The following HECW2 variants were observed in gnomAD, a reference collection of about 807,000 sequenced individuals.
The protein encoded by HECW2 is HECT, C2 and WW domain containing E3 ubiquitin protein ligase 2, also known as E3 ubiquitin-protein ligase HECW2.
In HECW2, 61 loss-of-function variants were observed where a neutral mutation model predicts 175.2. That is an observed-to-expected ratio of 0.35 (90% CI 0.28 to 0.43). The LOEUF is 0.43. Ranked by LOEUF, HECW2 falls within the 20% of genes least tolerant of loss-of-function variation. HECW2 has a pLI of 1.00. For synonymous variants in HECW2, 671 were observed against 731.0 expected (o/e 0.92, Z 1.32); for missense variants, 1,524 against 2,000.5 (o/e 0.76, Z 4.54).
At chr2:196,298,738 A>G (rs954800893) in intron 13 of HECW2, among the ~76,000 whole-genome samples, 18 of 152,236 alleles carry the variant, frequency 1.2e-4, no homozygotes, top group African/African-American at 3.6e-4. Flanking sequence ...CCTATTTTTC[A>G]TGACTTTCTT....
chr2:196,242,595 A>G (rs982231095), intron 19 of HECW2: 2 of 191,808 alleles, frequency 1.0e-5, no homozygotes, highest in Non-Finnish European at 1.1e-5. Context: ...GTTGCAATGG[A>G]AAGTACATGG....
chr2:196,469,834 C>G (rs981779336), intron 1 of HECW2, among the ~76,000 whole-genome samples: 2 of 151,542 alleles, frequency 1.3e-5, no homozygotes, highest in East Asian at 3.9e-4. Flanking sequence ...ACCTCTGGGG[C>G]GGGGGACTAA....
chr2:196,348,726 G>A (rs1693056659), intron 2 of HECW2, among the ~76,000 whole-genome samples: 1 of 152,160 alleles, frequency 6.6e-6, no homozygotes, highest in African/African-American at 2.4e-5. Flanking sequence ...TAATATAGAA[G>A]TAATTATAAC....
At chr2:196,231,288 G>T (rs968033502) in intron 21 of HECW2, among the ~76,000 whole-genome samples, 6 of 152,168 alleles carry the variant, frequency 3.9e-5, no homozygotes, top group African/African-American at 1.4e-4. Context: ...TCACTGACTT[G>T]TATCACATGA....
At chr2:196,286,676 GCTAT>G (rs1402415661) in intron 14 of HECW2, among the ~76,000 whole-genome samples, 36 of 152,160 alleles carry the variant, frequency 2.4e-4, no homozygotes, top group Middle Eastern at 6.8e-3. Context: ...AAAACCATGT[GCTAT>G]CTATCATTTT....
chr2:196,552,689 C>T lies in HECW2; in HGVS notation c.-36+40819G>A, dbSNP rs188792138. Among the ~76,000 whole-genome samples the T allele has an allele frequency of 1.1e-4, 17 of 152,308 alleles. No homozygotes were observed. In the East Asian group the frequency reaches 3.1e-3, roughly 28 times the overall value. ...TGGTTCCTTAAGTGTCTTACCTCCT[C>T]TTCCTGAGCCTGAGGCTTCCTCTCA... On this transcript the variant is annotated intron_variant, in intron 1 of 28. Transcript: ENST00000644978.
At chr2:196,329,453 C>A in intron 5 of HECW2, 122 bp downstream of exon 5, 6 of 631,468 alleles carry the variant, frequency 9.5e-6, no homozygotes, top group African/African-American at 1.8e-5. Flanking sequence ...AGAAGTATGA[C>A]CCCCCAAAAC....
chr2:196,208,846 AG>A (rs778213132), intron 28 of HECW2, among the ~76,000 whole-genome samples: 1 of 152,182 alleles, frequency 6.6e-6, no homozygotes, highest in Non-Finnish European at 1.5e-5. Flanking sequence ...GTCCTTGGGA[AG>A]GAGTCTGGAT....
intron 17 of HECW2, among the ~76,000 whole-genome samples, chr2:196,270,657 GT>G (rs1195061594): frequency 1.3e-5 from 2 of 151,162 alleles, no homozygotes; most frequent in Admixed American, 1.3e-4. Flanking sequence ...TTCATATTTC[GT>G]TTTTTAAATA....
At chr2:196,294,822 C>G (rs1690745223) in intron 13 of HECW2, among the ~76,000 whole-genome samples, 1 of 152,168 alleles carries the variant, frequency 6.6e-6, no homozygotes, top group South Asian at 2.1e-4. Context: ...CCCAGCCTGG[C>G]TCTCTGGGTC....
In HECW2 at chr2:196,314,626, T is replaced by A. The variant is rs150347374; in HGVS notation, c.2434+2648A>T. 5.8e-3 allele frequency among the ~76,000 whole-genome samples: 886 copies of A among 152,286 alleles called. 8 individuals carry two copies. Among genetic ancestry groups the A allele is most frequent in the Middle Eastern group, 0.02 (6 of 294 alleles). On this transcript the variant is annotated intron_variant, in intron 10 of 28. Coordinates refer to ENST00000644978, the MANE Select transcript of HECW2 (RefSeq NM_001348768.2). Reference sequence around the variant, plus strand: ...AGCTGACTTCTGTGCAACAACCTATTAATTACAGACAAGACCTGCTTCACC... The same window carrying A: ...AGCTGACTTCTGTGCAACAACCTATAAATTACAGACAAGACCTGCTTCACC...
chr2:196,301,903 C>T (rs1049733026), intron 13 of HECW2, among the ~76,000 whole-genome samples: 1 of 152,014 alleles, frequency 6.6e-6, no homozygotes, highest in African/African-American at 2.4e-5. Context: ...TCCCATGTGT[C>T]AGTTTTTGCT....
intron 1 of HECW2, among the ~76,000 whole-genome samples, chr2:196,518,002 G>A (rs953800087): frequency 1.3e-5 from 2 of 152,150 alleles, no homozygotes; most frequent in Non-Finnish European, 2.9e-5. Flanking sequence ...CAATTCAAAT[G>A]TCCTTTAATG....
chr2:196,366,896 C>T (rs1413930781), intron 2 of HECW2, among the ~76,000 whole-genome samples: 4 of 151,854 alleles, frequency 2.6e-5, no homozygotes. Context: ...TATTGTAAAC[C>T]AGGGGGAATT....
At chr2:196,517,097 G>A (rs1688178793) in intron 1 of HECW2, among the ~76,000 whole-genome samples, 2 of 152,186 alleles carry the variant, frequency 1.3e-5, no homozygotes, top group Non-Finnish European at 2.9e-5. Flanking sequence ...ACAAGCCAGT[G>A]TCCTGGTGAA....
At chr2:196,278,133 A>ATATATATATATAT (rs1553489735) in intron 15 of HECW2, among the ~76,000 whole-genome samples, 1,450 of 66,510 alleles carry the variant, frequency 0.022, 370 homozygotes, top group East Asian at 0.052. Flanking sequence ...ATAATTAAAA[A>ATATATATATATAT]ATATATATAT....
At chr2:196,220,744 G>A (rs371361956) in intron 25 of HECW2, 51 bp downstream of exon 25, 1 of 1,563,534 alleles carries the variant, frequency 6.4e-7, no homozygotes, top group South Asian at 1.1e-5. Context: ...GATGGACTGT[G>A]GCATCATTGA....
At chr2:196,211,776 C>T (rs551134901) in intron 28 of HECW2, among the ~76,000 whole-genome samples, 2 of 152,164 alleles carry the variant, frequency 1.3e-5, no homozygotes, top group African/African-American at 4.8e-5. Context: ...TCCTTTACAG[C>T]CCCTCCAACC....
intron 1 of HECW2, among the ~76,000 whole-genome samples, chr2:196,515,918 G>T: frequency 6.7e-6 from 1 of 150,126 alleles, no homozygotes; most frequent in East Asian, 2.0e-4. Flanking sequence ...GAGGTCAGGA[G>T]TTTGAAACCA....
Sources: allele counts gnomAD v4.1 joint callset (sites outside exome capture counted in the v4.1 genomes callset), GRCh38; gene constraint gnomAD v4.1.1; transcripts MANE v1.5; gene names NCBI Gene and HGNC (gene_info 2026-07-23, HGNC 2026-07-21).